The following RPS6KA5 variants were observed in gnomAD, a reference collection of about 807,000 sequenced individuals.
RPS6KA5 encodes the protein ribosomal protein S6 kinase alpha-5.
RPS6KA5 carries 27 observed loss-of-function variants against 85.5 expected under a neutral mutation model. The ratio of observed to expected loss-of-function variants is 0.32; its 90% CI spans 0.23 to 0.44. The LOEUF is 0.44. Ranked by LOEUF, RPS6KA5 falls within the 20% of genes least tolerant of loss-of-function variation. RPS6KA5 has a pLI of 1.00. For synonymous variants in RPS6KA5, 334 were observed against 348.2 expected (o/e 0.96, Z 0.46); for missense variants, 811 against 980.9 (o/e 0.83, Z 2.31).
chr14:90,855,334 T>C lies in RPS6KA5; in HGVS notation c.*16740A>G, dbSNP rs1309994927. 2 of 152,254 alleles carry C rather than the reference T, an allele frequency of 1.3e-5. No homozygotes were observed. Among genetic ancestry groups the C allele is most frequent in the Non-Finnish European group, 2.9e-5 (2 of 68,034 alleles). 9.4% of individuals were successfully genotyped at this position (152,254 alleles called of 1,614,324 possible). Reference sequence around the variant, plus strand: ...TTTCAGCTAACTGCACAAATGAGCCTGCTTCTGAGACAAAGTTAACATAGG... The same window carrying C: ...TTTCAGCTAACTGCACAAATGAGCCCGCTTCTGAGACAAAGTTAACATAGG... On this transcript the variant is annotated 3_prime_UTR_variant, in exon 17 of 17. Coordinates refer to ENST00000614987, the MANE Select transcript of RPS6KA5 (RefSeq NM_004755.4).
At chr14:90,897,156 A>G (rs2034886291) in intron 12 of RPS6KA5, among the ~76,000 whole-genome samples, 1 of 152,156 alleles carries the variant, frequency 6.6e-6, no homozygotes, top group African/African-American at 2.4e-5. Flanking sequence ...GCAGTTCACA[A>G]TAGAGTTTGT....
chr14:90,996,845 AG>A (rs2040544498), intron 2 of RPS6KA5, among the ~76,000 whole-genome samples: 1 of 152,212 alleles, frequency 6.6e-6, no homozygotes, highest in African/African-American at 2.4e-5. Flanking sequence ...ATATGGAATA[AG>A]TATACTCATC....
At chr14:91,017,830 A>G (rs1182129300) in intron 1 of RPS6KA5, among the ~76,000 whole-genome samples, 1 of 152,194 alleles carries the variant, frequency 6.6e-6, no homozygotes, top group East Asian at 1.9e-4. Flanking sequence ...CAATGATTCC[A>G]CTGAACTGGA....
chr14:91,054,798 A>C (rs2139965865), intron 1 of RPS6KA5, among the ~76,000 whole-genome samples: 1 of 152,186 alleles, frequency 6.6e-6, no homozygotes, highest in Admixed American at 6.5e-5. Context: ...TATTTAAAAA[A>C]AAAAATTTTT....
At chr14:90,915,637 T>C (rs766572395) in intron 7 of RPS6KA5, among the ~76,000 whole-genome samples, 12 of 151,948 alleles carry the variant, frequency 7.9e-5, no homozygotes, top group Non-Finnish European at 1.0e-4. Flanking sequence ...TGAAACCCCA[T>C]CTCTACTAAA....
At chr14:91,001,242 G>T in intron 1 of RPS6KA5, 83 bp from the exon 2 acceptor site, 1 of 795,600 alleles carries the variant, frequency 1.3e-6, no homozygotes, top group Non-Finnish European at 2.1e-6. Context: ...TACCAGCGAC[G>T]CTCTATTTCT....
At chr14:90,900,549 G>C in intron 10 of RPS6KA5, 62 bp downstream of exon 10, 1 of 1,506,232 alleles carries the variant, frequency 6.6e-7, no homozygotes, top group East Asian at 2.3e-5. Flanking sequence ...ATTAATTAGA[G>C]TTGGTATTTA....
At chr14:91,017,120 T>C (rs1484662902) in intron 1 of RPS6KA5, among the ~76,000 whole-genome samples, 1 of 152,194 alleles carries the variant, frequency 6.6e-6, no homozygotes, top group Non-Finnish European at 1.5e-5. Context: ...TCACCAAGGC[T>C]GATCTGGCTA....
At chr14:90,918,915 TTTGGCTATTC>T (rs1160415027) in intron 7 of RPS6KA5, among the ~76,000 whole-genome samples, 2 of 152,200 alleles carry the variant, frequency 1.3e-5, no homozygotes, top group Non-Finnish European at 2.9e-5. Context: ...TTAAAGATAA[TTTGGCTATTC>T]TAGGTCCTCT....
intron 1 of RPS6KA5, among the ~76,000 whole-genome samples, chr14:91,039,191 T>C (rs941398252): frequency 6.6e-6 from 1 of 152,174 alleles, no homozygotes; most frequent in Non-Finnish European, 1.5e-5. Flanking sequence ...CTGTGATGCA[T>C]GCAGGGGGCT....
At chr14:91,056,867 CTTTTTTTTTTTTTTTTT>C (rs34807092) in intron 1 of RPS6KA5, among the ~76,000 whole-genome samples, 2 of 38,850 alleles carry the variant, frequency 5.1e-5, no homozygotes, top group Non-Finnish European at 4.6e-5. Flanking sequence ...GCAGTATTAT[CTTTTTTTTTTTTTTTTT>C]TTTTTTTTTT....
intron 3 of RPS6KA5, among the ~76,000 whole-genome samples, chr14:90,951,716 C>T (rs933398528): frequency 3.3e-5 from 5 of 152,078 alleles, no homozygotes; most frequent in Non-Finnish European, 7.3e-5. Flanking sequence ...GGACAAGGAT[C>T]ATCATCCTAT....
At chr14:90,999,215 C>CA (rs932296892) in intron 2 of RPS6KA5, among the ~76,000 whole-genome samples, 4 of 151,638 alleles carry the variant, frequency 2.6e-5, no homozygotes, top group Admixed American at 6.6e-5. Flanking sequence ...CTCAAAAAAA[C>CA]AAAAAAACAA....
intron 3 of RPS6KA5, among the ~76,000 whole-genome samples, chr14:90,950,786 G>C (rs925670072): frequency 6.6e-6 from 1 of 152,128 alleles, no homozygotes; most frequent in Non-Finnish European, 1.5e-5. Context: ...GATTTGGTTT[G>C]ATAGAAAGTT....
chr14:90,935,305 A>G (rs2037198358), intron 5 of RPS6KA5, among the ~76,000 whole-genome samples: 1 of 149,252 alleles, frequency 6.7e-6, no homozygotes, highest in Non-Finnish European at 1.5e-5. Flanking sequence ...AAAAGAAAAT[A>G]AAGAGAATAA....
intron 2 of RPS6KA5, among the ~76,000 whole-genome samples, chr14:90,997,021 A>C (rs2040553867): frequency 6.6e-6 from 1 of 152,236 alleles, no homozygotes; most frequent in African/African-American, 2.4e-5. Context: ...GAAACATGCC[A>C]AGACACTATG....
At chr14:91,054,303 A>G (rs1431797132) in intron 1 of RPS6KA5, among the ~76,000 whole-genome samples, 1 of 152,174 alleles carries the variant, frequency 6.6e-6, no homozygotes, top group Non-Finnish European at 1.5e-5. Context: ...TAGACACAAG[A>G]ATAAAATGAA....
rs571457567 is a variant in RPS6KA5 at position 90,882,824 on chromosome 14, T to C, written c.1837-7464A>G. Among the ~76,000 whole-genome samples, 176 of 152,174 alleles carry C rather than the reference T, an allele frequency of 1.2e-3. 1 individual carries two copies. The highest frequency in any genetic ancestry group is 4.1e-3 in the African/African-American group (172 of 41,514). ...TGCTTTCAAGATTCTATTTTTTTTT[T>C]TGAGACAGAGTCTCACTCTGTCACC... On this transcript the variant is annotated intron_variant, in intron 14 of 16. Transcript: ENST00000614987.
chr14:91,044,640 G>A (rs1031135949), intron 1 of RPS6KA5, among the ~76,000 whole-genome samples: 8 of 152,146 alleles, frequency 5.3e-5, no homozygotes, highest in Middle Eastern at 3.4e-3. Context: ...TTTGGAGGCC[G>A]AGGCGGGTGA....
Sources: allele counts gnomAD v4.1 joint callset (sites outside exome capture counted in the v4.1 genomes callset), GRCh38; gene constraint gnomAD v4.1.1; transcripts MANE v1.5; gene names NCBI Gene and HGNC (gene_info 2026-07-23, HGNC 2026-07-21).